The following PRKCA variants were observed in gnomAD, a reference collection of about 807,000 sequenced individuals.
The protein encoded by PRKCA is protein kinase C alpha type.
A neutral mutation model predicts 87.0 loss-of-function variants in PRKCA; 27 were observed. The ratio of observed to expected loss-of-function variants is 0.31; its 90% CI spans 0.23 to 0.43. PRKCA has a LOEUF of 0.43. Ranked by LOEUF, PRKCA falls within the 20% of genes least tolerant of loss-of-function variation. The pLI, the probability that PRKCA is intolerant of heterozygous loss-of-function variation, is 1.00. For synonymous variants in PRKCA, 329 were observed against 311.1 expected, an observed-to-expected ratio of 1.06 and a Z score of -0.61; for missense variants, 518 against 852.3, an observed-to-expected ratio of 0.61 and a Z score of 4.88.
At chr17:66,335,046 A>G (rs1440364071) in intron 2 of PRKCA, among the ~76,000 whole-genome samples, 1 of 152,210 alleles carries the variant, frequency 6.6e-6, no homozygotes, top group Admixed American at 6.5e-5. Flanking sequence ...TATACATTTC[A>G]TGTATAACTT....
At chr17:66,785,827 G>GTGTTTT (rs954762239) in intron 14 of PRKCA, among the ~76,000 whole-genome samples, 6 of 152,304 alleles carry the variant, frequency 3.9e-5, no homozygotes, top group Admixed American at 6.5e-5. Flanking sequence ...TTGGAGAACT[G>GTGTTTT]TGTTTTTGTT....
intron 2 of PRKCA, among the ~76,000 whole-genome samples, chr17:66,316,299 T>G (rs1905313096): frequency 6.6e-6 from 1 of 152,216 alleles, no homozygotes; most frequent in African/African-American, 2.4e-5. Flanking sequence ...TGGTTTCCTC[T>G]TGTAACTTTT....
intron 8 of PRKCA, among the ~76,000 whole-genome samples, chr17:66,697,853 T>G (rs1255068355): frequency 6.6e-6 from 1 of 151,796 alleles, no homozygotes; most frequent in African/African-American, 2.4e-5. Flanking sequence ...AAGCGTATTA[T>G]GTAGACAGCC....
At chr17:66,679,484 C>G (rs565661700) in intron 5 of PRKCA, among the ~76,000 whole-genome samples, 7 of 152,312 alleles carry the variant, frequency 4.6e-5, no homozygotes, top group African/African-American at 1.7e-4. Context: ...CCGGCCTACA[C>G]TCACACCTTT....
chr17:66,753,171 C>T (rs1157482570), intron 13 of PRKCA, among the ~76,000 whole-genome samples: 1 of 152,212 alleles, frequency 6.6e-6, no homozygotes, highest in African/African-American at 2.4e-5. Context: ...TTAGTGGGCT[C>T]TCCTCTCCCC....
In PRKCA at chr17:66,642,361, C is replaced by T. The variant is rs991397105; in HGVS notation, c.400+895C>T. On this transcript the variant is annotated intron_variant, in intron 4 of 16. Transcript: ENST00000413366. ...AGCCAGGATAGTCTCGATCTCCTGA[C>T]CTCGTGATCCGCCCGCCTCGGCCTC... Among the ~76,000 whole-genome samples the T allele has an allele frequency of 1.3e-5, 2 of 152,182 alleles. 1 individual carries two copies. The highest frequency in any genetic ancestry group is 4.2e-4 in the South Asian group (2 of 4,812).
At chr17:66,393,982 C>T (rs1173862775) in intron 2 of PRKCA, among the ~76,000 whole-genome samples, 2 of 151,864 alleles carry the variant, frequency 1.3e-5, no homozygotes, top group Admixed American at 6.6e-5. Flanking sequence ...GACTGAGGCA[C>T]GAGAATCGCT....
chr17:66,764,218 A>G (rs1163400948), intron 13 of PRKCA, among the ~76,000 whole-genome samples: 1 of 152,164 alleles, frequency 6.6e-6, no homozygotes, highest in Non-Finnish European at 1.5e-5. Flanking sequence ...GCACATGCCT[A>G]CTGTGGTGAT....
intron 3 of PRKCA, among the ~76,000 whole-genome samples, chr17:66,563,291 A>G (rs541561418): frequency 1.9e-4 from 29 of 152,316 alleles, no homozygotes; most frequent in African/African-American, 6.3e-4. Flanking sequence ...AGTATCATAC[A>G]GAGGATCTTC....
intron 2 of PRKCA, among the ~76,000 whole-genome samples, chr17:66,402,689 C>T (rs1911107962): frequency 6.6e-6 from 1 of 152,114 alleles, no homozygotes; most frequent in African/African-American, 2.4e-5. Context: ...CCCAGTTTCT[C>T]ATAACCTGTG....
chr17:66,724,061 A>G (rs1973681805), intron 8 of PRKCA, among the ~76,000 whole-genome samples: 1 of 152,088 alleles, frequency 6.6e-6, no homozygotes, highest in Non-Finnish European at 1.5e-5. Flanking sequence ...TGTGCACAGG[A>G]CCCACCCAAA....
chr17:66,788,759 C>T, intron 15 of PRKCA, 80 bp from the exon 16 acceptor site: 3 of 1,519,198 alleles, frequency 2.0e-6, no homozygotes, highest in Admixed American at 2.0e-5. Flanking sequence ...GGGCTGTAGG[C>T]AGAGCTAGGC....
chr17:66,560,394 G>T (rs184733949), intron 3 of PRKCA, among the ~76,000 whole-genome samples: 1 of 152,314 alleles, frequency 6.6e-6, no homozygotes, highest in African/African-American at 2.4e-5. Context: ...TGTAAGTATT[G>T]CTGGTCAGGA....
intron 2 of PRKCA, among the ~76,000 whole-genome samples, chr17:66,442,487 C>A (rs2143881422): frequency 6.6e-6 from 1 of 152,202 alleles, no homozygotes; most frequent in East Asian, 1.9e-4. Context: ...CCACCCCACG[C>A]TTTCTGCCTG....
At chr17:66,709,113 C>T (rs1054156003) in intron 8 of PRKCA, among the ~76,000 whole-genome samples, 2 of 152,080 alleles carry the variant, frequency 1.3e-5, no homozygotes, top group African/African-American at 4.8e-5. Context: ...TGTTCAGGTT[C>T]AGGGCTGTGA....
chr17:66,368,358 G>GTATATA (rs1207640910), intron 2 of PRKCA, among the ~76,000 whole-genome samples: 13 of 42,558 alleles, frequency 3.1e-4, no homozygotes, highest in Non-Finnish European at 3.7e-4. Flanking sequence ...GTGTGTGTGT[G>GTATATA]TATATGTATA....
At chr17:66,790,939 G>A (rs749999326) in intron 16 of PRKCA, among the ~76,000 whole-genome samples, 33 of 151,438 alleles carry the variant, frequency 2.2e-4, no homozygotes, top group Non-Finnish European at 4.4e-4. Context: ...AGGCAGCTGA[G>A]TTAGGAGCAG....
At chr17:66,647,943 T>C (rs1971497270) in intron 5 of PRKCA, among the ~76,000 whole-genome samples, 1 of 152,036 alleles carries the variant, frequency 6.6e-6, no homozygotes, top group African/African-American at 2.4e-5. Context: ...ATAATAATAA[T>C]GTCTTATTCC....
chr17:66,309,445 G>A (rs2143128580), intron 2 of PRKCA, among the ~76,000 whole-genome samples: 1 of 152,194 alleles, frequency 6.6e-6, no homozygotes, highest in African/African-American at 2.4e-5. Context: ...TGGACTCTGT[G>A]CCATTCTTCT....
Sources: allele counts gnomAD v4.1 joint callset (sites outside exome capture counted in the v4.1 genomes callset), GRCh38; gene constraint gnomAD v4.1.1; transcripts MANE v1.5; gene names NCBI Gene and HGNC (gene_info 2026-07-23, HGNC 2026-07-21).